The following HADHB variants were observed in gnomAD, a reference collection of about 807,000 sequenced individuals.
The protein encoded by HADHB is trifunctional enzyme subunit beta, mitochondrial.
A neutral mutation model predicts 61.9 loss-of-function variants in HADHB; 50 were observed. The observed-to-expected ratio is 0.81, with a 90% confidence interval of 0.64 to 1.02. The LOEUF (loss-of-function observed/expected upper bound fraction) is 1.02, where lower values mean the gene tolerates loss of function less well. Ranked by LOEUF, HADHB falls within the 50% of genes least tolerant of loss-of-function variation. HADHB has a pLI of 0.00. For synonymous variants in HADHB, 191 were observed against 201.6 expected (o/e 0.95, Z 0.45); for missense variants, 504 against 586.5 (o/e 0.86, Z 1.45).
At chr2:26,267,938 G>A (rs1460991203) in intron 4 of HADHB, among the ~76,000 whole-genome samples, 1 of 151,992 alleles carries the variant, frequency 6.6e-6, no homozygotes, top group Non-Finnish European at 1.5e-5. Flanking sequence ...CCAGGAGTTC[G>A]AGACCGGCAT....
At chr2:26,280,877 AAAAAG>A (rs1672760140) in intron 10 of HADHB, among the ~76,000 whole-genome samples, 2 of 150,836 alleles carry the variant, frequency 1.3e-5, no homozygotes, top group South Asian at 2.1e-4. Flanking sequence ...AAAAAAAAAA[AAAAAG>A]GCATTTTGGA....
chr2:26,286,006 G>A (rs948160861), intron 15 of HADHB, among the ~76,000 whole-genome samples: 12 of 151,872 alleles, frequency 7.9e-5, no homozygotes, highest in Admixed American at 2.0e-4. Flanking sequence ...CCAAAGTGCT[G>A]TGATTACAGG....
At chr2:26,288,043 G>A (rs963457705) in intron 15 of HADHB, among the ~76,000 whole-genome samples, 1 of 152,104 alleles carries the variant, frequency 6.6e-6, no homozygotes, top group Admixed American at 6.5e-5. Flanking sequence ...AAGGCAGCTG[G>A]GTGGCTTGAA....
intron 12 of HADHB, among the ~76,000 whole-genome samples, chr2:26,283,603 T>G (rs1234928775): frequency 6.6e-6 from 1 of 152,208 alleles, no homozygotes; most frequent in Non-Finnish European, 1.5e-5. Context: ...TATTTTCCAT[T>G]TTTTTCCTAT....
At position 26,258,011 on chromosome 2, in the gene HADHB, CTG is replaced by C. The variant is rs890923875; in HGVS notation, c.109+3539_109+3540del. 1.2e-3 allele frequency among the ~76,000 whole-genome samples: 189 copies of C among 151,662 alleles called. 1 individual carries two copies. The highest frequency in any genetic ancestry group is 3.5e-4 in the Non-Finnish European group (24 of 67,902). On this transcript the variant is annotated intron_variant, in intron 3 of 15. Transcript: ENST00000317799. The stretch of plus-strand genomic sequence containing the variant: ...TCTAGCCTGGGGACAGAGCAAGACT[CTG>C]TCTCAAAAAAAAAAAGATTTCTTCC...
chr2:26,283,397 G>A (rs971634832), intron 12 of HADHB, among the ~76,000 whole-genome samples: 3 of 152,110 alleles, frequency 2.0e-5, no homozygotes, highest in Admixed American at 6.5e-5. Context: ...GGTGGCGGGC[G>A]CCTGTAGTCC....
chr2:26,280,645 G>A (rs1262419292), intron 10 of HADHB, among the ~76,000 whole-genome samples: 1 of 152,106 alleles, frequency 6.6e-6, no homozygotes, highest in African/African-American at 2.4e-5. Flanking sequence ...CTGAGGTCAG[G>A]AGTTCGAGAC....
At chr2:26,246,376 CTTG>C (rs1671160374) in intron 1 of HADHB, among the ~76,000 whole-genome samples, 1 of 146,434 alleles carries the variant, frequency 6.8e-6, no homozygotes, top group Admixed American at 6.8e-5. Context: ...CAGTTTTGCT[CTTG>C]TTGTCCAGGC....
intron 1 of HADHB, among the ~76,000 whole-genome samples, chr2:26,249,505 C>T (rs1335660468): frequency 6.6e-6 from 1 of 151,932 alleles, no homozygotes; most frequent in South Asian, 2.1e-4. Context: ...AGTGAGACTC[C>T]GTCTCAAAAA....
Position 26,277,113 on chromosome 2 carries a change from A to G in HADHB, c.395A>G (p.His132Arg). ...GAGFSDKTPA[H>R]TVTMACISAN... ...GGCTTCTCTGACAAGACTCCTGCTCACACTGTCACCATGGCTTGTATCTCT... is the reference window on the plus strand; with the variant it reads ...GGCTTCTCTGACAAGACTCCTGCTCGCACTGTCACCATGGCTTGTATCTCT... Residue 132 changes from histidine to arginine, a missense_variant, in exon 7 of 16, where the codon CAC becomes CGC. Physicochemically the swap from His to Arg is conservative, Grantham distance 29. Transcript: ENST00000317799. The G allele has an allele frequency of 6.2e-7, 1 of 1,607,504 alleles. No homozygotes were observed.
chr2:26,285,646 G>T, intron 15 of HADHB, 75 bp downstream of exon 15: 15 of 1,086,622 alleles, frequency 1.4e-5, no homozygotes, highest in Middle Eastern at 2.4e-4. Flanking sequence ...GATTTAGTTT[G>T]AAACCTTCTT....
Position 26,261,222 on chromosome 2 carries a change from C to A in HADHB, c.110-2158C>A, listed in dbSNP as rs1056632745. On this transcript the variant is annotated intron_variant, in intron 3 of 15. Coordinates refer to ENST00000317799, the MANE Select transcript of HADHB (RefSeq NM_000183.3). ...AACAACACAACAAATACCCCCCCCC[C>A]ATCCAGACAAACAAAAAAAGTATCT... 52 of 474,768 alleles carry A rather than the reference C, an allele frequency of 1.1e-4. 2 individuals carry two copies. Among genetic ancestry groups the A allele is most frequent in the Non-Finnish European group, 1.6e-4 (42 of 268,498 alleles). The allele number at this position is 474,768 out of a possible 1,614,324, so 29.4% of individuals were successfully genotyped here. A position where few individuals can be genotyped will look rare whatever the true frequency, so the allele number is the denominator to read the frequency against.
intron 5 of HADHB, among the ~76,000 whole-genome samples, chr2:26,270,884 T>TC (rs1158066719): frequency 4.2e-4 from 62 of 148,338 alleles, no homozygotes; most frequent in African/African-American, 1.5e-3. Context: ...GTAGCTTTTT[T>TC]TTTTTTTTTT....
At chr2:26,259,261 A>G (rs146134032) in intron 3 of HADHB, among the ~76,000 whole-genome samples, 12,085 of 152,288 alleles carry the variant, frequency 0.079, 655 homozygotes, top group Middle Eastern at 0.14. Context: ...AGACACAGGT[A>G]TGCAGTGTAA....
chr2:26,288,828 A>G (rs1673148539), intron 15 of HADHB, among the ~76,000 whole-genome samples: 1 of 152,246 alleles, frequency 6.6e-6, no homozygotes, highest in South Asian at 2.1e-4. Context: ...GGCACTTTGT[A>G]AATAATAGTT....
At position 26,279,451 on chromosome 2, in the gene HADHB, T is replaced by G. The variant is rs1672696022; in HGVS notation, c.811+136T>G. ...TTCAGCCTTTATTCTTAAATATGGA[T>G]GCAAATTTTGATTTATGTTGTAACA... On this transcript the variant is annotated intron_variant, in intron 9 of 15. Coordinates refer to ENST00000317799, the MANE Select transcript of HADHB (RefSeq NM_000183.3). The G allele has an allele frequency of 7.1e-6, 5 of 704,382 alleles. No individual in the cohort carries two copies. The Admixed American group carries it at 1.0e-4, about 14-fold the overall frequency. 43.6% of individuals were successfully genotyped at this position (704,382 alleles called of 1,614,324 possible). A position where few individuals can be genotyped will look rare whatever the true frequency, so the allele number is the denominator to read the frequency against.
intron 13 of HADHB, 127 bp from the exon 14 acceptor site, chr2:26,284,756 T>G (rs932192692): frequency 1.4e-6 from 1 of 736,098 alleles, no homozygotes; most frequent in African/African-American, 1.7e-5. Flanking sequence ...TGTGAGCCAC[T>G]GTGCCTGGCC....
In HADHB at chr2:26,254,664, A is replaced by T. The variant is rs541254701; in HGVS notation, c.109+190A>T. On this transcript the variant is annotated intron_variant, in intron 3 of 15. Coordinates refer to ENST00000317799, the MANE Select transcript of HADHB (RefSeq NM_000183.3). ...CAATAATGATACTACATTATTTAGG[A>T]TTAGGCTTGAGGATGTTAATGGGAG... 1,803 of 554,938 alleles carry T rather than the reference A, an allele frequency of 3.2e-3. 5 individuals carry two copies. Among genetic ancestry groups the T allele is most frequent in the Middle Eastern group, 8.5e-3 (17 of 1,996 alleles). The allele number at this position is 554,938 out of a possible 1,614,324, so 34.4% of individuals were successfully genotyped here.
At chr2:26,251,343 T>C (rs575353110) in intron 1 of HADHB, among the ~76,000 whole-genome samples, 3 of 152,088 alleles carry the variant, frequency 2.0e-5, no homozygotes, top group African/African-American at 7.2e-5. Flanking sequence ...CATGCCACCA[T>C]GCCCAGCTAG....
Sources: gnomAD v4.1 joint callset for allele counts (sites outside exome capture counted in the v4.1 genomes callset) on GRCh38, gnomAD v4.1.1 for gene constraint, MANE v1.5 for transcripts, NCBI Gene and HGNC (gene_info 2026-07-23, HGNC 2026-07-21) for gene names.